The following MYH8 variants were observed in gnomAD, a reference collection of about 807,000 sequenced individuals.
MYH8 encodes the protein myosin-8.
A neutral mutation model predicts 233.2 loss-of-function variants in MYH8; 168 were observed. That is an observed-to-expected ratio of 0.72 (90% CI 0.64 to 0.82). MYH8 has a LOEUF of 0.82. Ranked by LOEUF, MYH8 falls within the 40% of genes least tolerant of loss-of-function variation. The pLI is 0.00. For missense variants in MYH8, 1,995 were observed against 2,327.8 expected (o/e 0.86, Z 2.94); for synonymous variants, 785 against 850.6 (o/e 0.92, Z 1.34).
At position 10,415,008 on chromosome 17, in the gene MYH8, G is replaced by C; in HGVS notation, c.805+108C>G. ...CATTAGCTTACAGGCAGTACTGGCA[G>C]CAGACTACCCTTTTAACAGGCTTCA... On this transcript the variant is annotated intron_variant, in intron 9 of 39. Transcript: ENST00000403437. The surrounding 1 kb of genome is among the most constrained non-coding windows in gnomAD (Gnocchi z 4.1). The C allele has an allele frequency of 9.9e-7, 1 of 1,012,702 alleles. No homozygotes were observed. The highest frequency in any genetic ancestry group is 1.6e-6 in the Non-Finnish European group (1 of 634,198). 62.7% of individuals were successfully genotyped at this position (1,012,702 alleles called of 1,614,324 possible).
chr17:10,394,269 C>T lies in MYH8; in HGVS notation c.5146G>A (p.Val1716Ile), dbSNP rs754634113. The T allele has an allele frequency of 6.8e-6, 11 of 1,613,934 alleles. No individual in the cohort carries two copies. The East Asian group carries it at 1.1e-4, about 16-fold the overall frequency. The change falls in exon 35 of 40, where the codon GTC becomes ATC. Residue 1716 changes from valine (V) to isoleucine (I), a missense_variant. Physicochemically the swap from Val to Ile is conservative, Grantham distance 29 (BLOSUM62 3). Around this residue, in one of 3 missense-constraint regions of MYH8, gnomAD observed 1,498 missense variants for 1,680.9 expected, o/e 0.89. Coordinates refer to ENST00000403437, the MANE Select transcript of MYH8 (RefSeq NM_002472.3). The part of the protein sequence containing the change: ...EQELLDASER[V>I]QLLHTQNTSL... ...CTCACCTGGGTGTGGAGGAGCTGGA[C>T]ACGCTCACTGGCATCCAGGAGCTCC...
rs35512526 is a variant in MYH8 at position 10,393,991 on chromosome 17, C to CTTT, written c.5166+255_5166+257dup. ...TTATTTTTAAATAAAAAAGTAATAG[C>CTTT]TTTTTTTTTTTTTTTTTTTTTTTTT... On this transcript the variant is annotated intron_variant, in intron 35 of 39. Transcript: ENST00000403437. 8.6e-3 allele frequency among the ~76,000 whole-genome samples: 311 copies of CTTT among 36,010 alleles called. 57 individuals are homozygous for CTTT. Among genetic ancestry groups the CTTT allele is most frequent in the African/African-American group, 9.5e-3 (76 of 8,018 alleles). The allele number at this position is 36,010 out of a possible 152,430, so 23.6% of individuals were successfully genotyped here. A position where few individuals can be genotyped will look rare whatever the true frequency, so the allele number is the denominator to read the frequency against.
At chr17:10,403,753 A>G (rs2072162428) in intron 22 of MYH8, among the ~76,000 whole-genome samples, 1 of 152,172 alleles carries the variant, frequency 6.6e-6, no homozygotes, top group African/African-American at 2.4e-5. Flanking sequence ...CAAAGTGTTC[A>G]TGCCAAACCT....
chr17:10,408,909 G>A (rs1055157403), intron 17 of MYH8, among the ~76,000 whole-genome samples, 188 bp downstream of exon 17: 2 of 152,246 alleles, frequency 1.3e-5, no homozygotes, highest in Admixed American at 6.5e-5. Context: ...TTAGATAATC[G>A]TAATAAGGAA....
chr17:10,401,023 GT>G (rs746132303), intron 25 of MYH8, 22 bp downstream of exon 25: 35 of 1,613,910 alleles, frequency 2.2e-5, no homozygotes, highest in Non-Finnish European at 2.5e-5. Flanking sequence ...TCACATAGAA[GT>G]TTTTTTCTAA....
At position 10,406,131 on chromosome 17, in the gene MYH8, T is replaced by C. The variant is rs1489183481; in HGVS notation, c.2342A>G (p.Asp781Gly). Residue 781 changes from aspartate (D) to glycine (G), a missense_variant, in exon 21 of 40, where the codon GAT becomes GGT. Asp to Gly is a moderately conservative substitution (Grantham distance 94, BLOSUM62 -1). Around this residue, in one of 3 missense-constraint regions of MYH8, gnomAD observed 1,498 missense variants for 1,680.9 expected, o/e 0.89. Transcript: ENST00000403437. The stretch of plus-strand genomic sequence containing the variant: ...TGTTATAATTTGGGCTAATTTTTCA[T>C]CTCTCATTTCTTCCAGAAGACCCAG... ...GLLGLLEEMR[D>G]EKLAQIITRT... 5 of 1,614,092 alleles carry C rather than the reference T, an allele frequency of 3.1e-6. No homozygotes were observed. In the South Asian group the frequency reaches 4.4e-5, roughly 14 times the overall value.
chr17:10,410,219 G>T (rs1366652596), intron 15 of MYH8, among the ~76,000 whole-genome samples: 1 of 152,104 alleles, frequency 6.6e-6, no homozygotes, highest in African/African-American at 2.4e-5. Context: ...TGAGAGGATC[G>T]CTTGAGCCTT....
chr17:10,407,782 T>C (rs771696851), intron 17 of MYH8, among the ~76,000 whole-genome samples: 1 of 151,642 alleles, frequency 6.6e-6, no homozygotes, highest in Admixed American at 6.6e-5. Context: ...GAGTTTGCAG[T>C]GAGCTGAGAT....
intron 12 of MYH8, among the ~76,000 whole-genome samples, chr17:10,413,180 A>C (rs2072259896): frequency 6.6e-6 from 1 of 152,232 alleles, no homozygotes; most frequent in African/African-American, 2.4e-5. Flanking sequence ...TGGAGATTAA[A>C]ATTTACTGCA....
chr17:10,414,366 G>T lies in MYH8; in HGVS notation c.904+20C>A. On this transcript the variant is annotated intron_variant, in intron 10 of 39. Transcript: ENST00000403437. ...AATAAAAATATTAACTTCTATCTAT[G>T]ACTTTAAGTTCTTTCTTACCAATTA... 1 of 1,599,106 alleles carries T rather than the reference G, an allele frequency of 6.3e-7. No individual in the cohort carries two copies.
chr17:10,411,073 G>A, intron 14 of MYH8, 126 bp from the exon 15 acceptor site: 1 of 1,517,084 alleles, frequency 6.6e-7, no homozygotes, highest in Non-Finnish European at 8.9e-7. Context: ...AACTAACGTT[G>A]CTCCCTCAAA....
intron 30 of MYH8, among the ~76,000 whole-genome samples, chr17:10,397,415 CA>C (rs1280415245): frequency 6.6e-6 from 1 of 152,132 alleles, no homozygotes; most frequent in East Asian, 1.9e-4. Context: ...TCTATACTGG[CA>C]AATGGCATAT....
In MYH8 at chr17:10,418,784, G is replaced by A; in HGVS notation, c.372C>T (p.Phe124=). The A allele has an allele frequency of 1.9e-6, 3 of 1,613,874 alleles. No homozygotes were observed. The African/African-American group carries it at 4.0e-5, about 22-fold the overall frequency. Residue 124 remains phenylalanine (F), a synonymous_variant, in exon 5 of 40, where the codon TTC becomes TTT. Coordinates refer to ENST00000403437, the MANE Select transcript of MYH8 (RefSeq NM_002472.3). ...AWMIYTYSGL[F]CVTVNPYKWL... ...ACTTGTAGGGGTTGACGGTGACACA[G>A]AAGAGGCCTGAGTAGGTCTGGGAAG... is the stretch of plus-strand genomic sequence containing the variant.
intron 36 of MYH8, 40 bp downstream of exon 36, chr17:10,393,045 G>A: frequency 1.2e-6 from 2 of 1,614,198 alleles, no homozygotes; most frequent in East Asian, 4.5e-5. Context: ...CTTGATGATA[G>A]CAGGTGCATA....
rs1037751771 is a variant in MYH8, at chr17:10,414,121, C to T, written c.1008+71G>A. 1.9e-6 allele frequency: 3 copies of T among 1,608,524 alleles called. No homozygotes were observed. The African/African-American group carries it at 4.0e-5, about 21-fold the overall frequency. On this transcript the variant is annotated intron_variant, in intron 11 of 39. Transcript: ENST00000403437. Reference sequence around the variant, plus strand: ...GAATTTATACATATCCTAAGGTAACCACACCTACAGTAGTTTGCTATTGTC... The same window carrying T: ...GAATTTATACATATCCTAAGGTAACTACACCTACAGTAGTTTGCTATTGTC...
chr17:10,395,311 C>G lies in MYH8; in HGVS notation c.4784G>C (p.Arg1595Thr), dbSNP rs145711576. Residue 1595 changes from arginine (R) to threonine (T), a missense_variant, in exon 34 of 40, where the codon AGA (arginine) becomes ACA (threonine). Arg to Thr is a moderately conservative substitution (Grantham distance 71, BLOSUM62 -1). Coordinates refer to ENST00000403437, the MANE Select transcript of MYH8 (RefSeq NM_002472.3). ...CGTGCTCTGCATTGTCTCCACGACT[C>G]TAGTGTGGTTTCTCTTCAGCTGGTC... ...EIDQLKRNHTRVVETMQSTLD... is the reference protein window; with the variant it reads ...EIDQLKRNHTTVVETMQSTLD... 5.2e-4 allele frequency: 834 copies of G among 1,614,190 alleles called. No individual in the cohort carries two copies. The highest frequency in any genetic ancestry group is 6.1e-4 in the Non-Finnish European group (716 of 1,180,030).
rs761731391 is a variant in MYH8, at chr17:10,400,955, C to T, written c.3259G>A (p.Glu1087Lys). The T allele has an allele frequency of 6.2e-7, 1 of 1,613,680 alleles. No homozygotes were observed. Among genetic ancestry groups the T allele is most frequent in the East Asian group, 2.2e-5 (1 of 44,884 alleles). ...CTTATCAAATTGCTGATTTCAAATTCTTTCCTTTAGACAGAAGAGCAAGAC... is the reference window on the plus strand; with the variant it reads ...CTTATCAAATTGCTGATTTCAAATTTTTTCCTTTAGACAGAAGAGCAAGAC... ...QQLDEKLEKK[E>K]FEISNLISKI... Residue 1087 changes from glutamate (E) to lysine (K), a missense_variant, in exon 26 of 40, where the codon GAA (glutamate) becomes AAA (lysine). By Grantham distance (56) the Glu-to-Lys change is moderately conservative. Coordinates refer to ENST00000403437, the MANE Select transcript of MYH8 (RefSeq NM_002472.3). This position sits in a 1 kb window ranked among gnomAD's most constrained non-coding sequence, Gnocchi z 4.0.
intron 15 of MYH8, 77 bp from the exon 16 acceptor site, chr17:10,409,665 G>A (rs2072227829): frequency 1.3e-6 from 2 of 1,566,442 alleles, no homozygotes; most frequent in African/African-American, 2.7e-5. Flanking sequence ...TCATTTGATT[G>A]AATTATGAGC....
Position 10,390,507 on chromosome 17 carries a change from T to C in MYH8, c.5761A>G (p.Asn1921Asp), listed in dbSNP as rs1341667259. 6.2e-7 allele frequency: 1 copy of C among 1,614,216 alleles called. No homozygotes were observed. Among genetic ancestry groups the C allele is most frequent in the East Asian group, 2.2e-5 (1 of 44,890 alleles). Residue 1921 changes from asparagine (N) to aspartate (D), a missense_variant, in exon 40 of 40, where the codon AAC becomes GAC. Asn to Asp is a conservative substitution (Grantham distance 23, BLOSUM62 1). This residue lies in a region of MYH8 where 1,498 missense variants were observed against 1,680.9 expected (regional missense o/e 0.89). Coordinates refer to ENST00000403437, the MANE Select transcript of MYH8 (RefSeq NM_002472.3). ...TCTCGGCTCTTCACTCGCAATTTGT[T>C]GACCTGGGACTCAGCAATGTCAGCC... Reference protein sequence around the residue: ...ERADIAESQVNKLRVKSREVH... With the variant: ...ERADIAESQVDKLRVKSREVH...
Sources: gnomAD v4.1 joint callset for allele counts (sites outside exome capture counted in the v4.1 genomes callset) on GRCh38, gnomAD v4.1.1 for gene constraint, gnomAD v4.1.1 regional missense constraint, Gnocchi (gnomAD v3.1) non-coding constraint, MANE v1.5 for transcripts, NCBI Gene and HGNC (gene_info 2026-07-23, HGNC 2026-07-21) for gene names.